Variants in PRR16 observed in about 807,000 individuals in gnomAD.
PRR16 encodes the protein protein Largen.
PRR16 carries 6 observed loss-of-function variants against 18.2 expected under a neutral mutation model. The ratio of observed to expected loss-of-function variants is 0.33; its 90% CI spans 0.18 to 0.65. The LOEUF (loss-of-function observed/expected upper bound fraction) is 0.65, where lower values mean the gene tolerates loss of function less well. Ranked by LOEUF, PRR16 falls within the 30% of genes least tolerant of loss-of-function variation. The pLI is 0.74. For synonymous variants in PRR16, 151 were observed against 147.8 expected (o/e 1.02, Z -0.16); for missense variants, 412 against 376.6 (o/e 1.09, Z -0.78).
intron 1 of PRR16, among the ~76,000 whole-genome samples, chr5:120,549,456 T>G (rs1002789384): frequency 1.4e-4 from 22 of 151,980 alleles, no homozygotes; most frequent in African/African-American, 5.3e-4. Flanking sequence ...GTCCTTCCAT[T>G]ATTAAGAATT....
At chr5:120,721,057 A>G in the PRR16 span, among the ~76,000 whole-genome samples, 2 of 152,102 alleles carry the variant, frequency 1.3e-5, no homozygotes, top group Non-Finnish European at 2.9e-5. Context: ...ACTTTTAAAC[A>G]TCATAATTTC....
chr5:120,693,002 T>C, the PRR16 span, among the ~76,000 whole-genome samples: 1 of 152,138 alleles, frequency 6.6e-6, no homozygotes, highest in Non-Finnish European at 1.5e-5. Flanking sequence ...AAATGAATTG[T>C]CCCCCAAATA....
intron 1 of PRR16, among the ~76,000 whole-genome samples, chr5:120,483,179 C>A (rs1749678519): frequency 6.6e-6 from 1 of 152,134 alleles, no homozygotes; most frequent in African/African-American, 2.4e-5. Flanking sequence ...CCTATTTCAA[C>A]ACATGGTTTC....
chr5:120,793,354 G>GA, the PRR16 span, among the ~76,000 whole-genome samples: 23 of 150,452 alleles, frequency 1.5e-4, no homozygotes, highest in Middle Eastern at 3.4e-3. Flanking sequence ...AAAATAAAAA[G>GA]AAAAAAAAAG....
chr5:120,573,374 C>A (rs1049340119), intron 1 of PRR16, among the ~76,000 whole-genome samples: 1 of 152,138 alleles, frequency 6.6e-6, no homozygotes, highest in African/African-American at 2.4e-5. Flanking sequence ...ATGAGGAAAA[C>A]AAATGAACTT....
chr5:120,709,944 AG>A, the PRR16 span, among the ~76,000 whole-genome samples: 1 of 152,298 alleles, frequency 6.6e-6, no homozygotes, highest in East Asian at 1.9e-4. Context: ...ACAGGAGCAT[AG>A]ATATGTCTTC....
At chr5:120,656,508 A>T (rs62377792) in intron 1 of PRR16, among the ~76,000 whole-genome samples, 46,640 of 150,296 alleles carry the variant, frequency 0.31, 7,710 homozygotes, top group Middle Eastern at 0.42. Context: ...TACTTACCAG[A>T]CACTCTGGAA....
At chr5:120,729,643 CTAAA>C in the PRR16 span, among the ~76,000 whole-genome samples, 7 of 152,024 alleles carry the variant, frequency 4.6e-5, no homozygotes, top group Non-Finnish European at 7.4e-5. Context: ...GGATGTTTGA[CTAAA>C]TAAATGAATG....
intron 1 of PRR16, among the ~76,000 whole-genome samples, chr5:120,507,660 G>A (rs1750689118): frequency 1.3e-5 from 2 of 151,910 alleles, no homozygotes; most frequent in South Asian, 4.1e-4. Flanking sequence ...ATTTTGCTTT[G>A]TTTTATATTT....
At chr5:120,591,746 T>A (rs923039034) in intron 1 of PRR16, among the ~76,000 whole-genome samples, 1 of 152,106 alleles carries the variant, frequency 6.6e-6, no homozygotes, top group African/African-American at 2.4e-5. Flanking sequence ...TGATTTCAAT[T>A]TTCAGAATTA....
At chr5:120,569,468 T>C (rs1752837548) in intron 1 of PRR16, among the ~76,000 whole-genome samples, 1 of 152,162 alleles carries the variant, frequency 6.6e-6, no homozygotes, top group Admixed American at 6.6e-5. Context: ...CTACCACATG[T>C]AATACGCACA....
chr5:120,732,920 G>T, the PRR16 span, among the ~76,000 whole-genome samples: 4 of 152,178 alleles, frequency 2.6e-5, no homozygotes, highest in Non-Finnish European at 5.9e-5. Context: ...CAGAGTAAGA[G>T]ATGACATGTC....
chr5:120,729,463 C>T, the PRR16 span, among the ~76,000 whole-genome samples: 8 of 152,116 alleles, frequency 5.3e-5, no homozygotes, highest in African/African-American at 1.7e-4. Flanking sequence ...AAGATGCTCA[C>T]TAATATATTT....
chr5:120,564,021 C>T (rs1752656977), intron 1 of PRR16, among the ~76,000 whole-genome samples: 1 of 151,984 alleles, frequency 6.6e-6, no homozygotes, highest in African/African-American at 2.4e-5. Context: ...CCCTTTTGGC[C>T]CAGGGTGTGT....
chr5:120,790,148 C>T, the PRR16 span: 1 of 152,130 alleles, frequency 6.6e-6, no homozygotes, highest in African/African-American at 2.4e-5. Flanking sequence ...TCATCTTCCT[C>T]TATCTGACAG....
intron 1 of PRR16, among the ~76,000 whole-genome samples, chr5:120,482,515 T>C (rs548753643): frequency 1.3e-5 from 2 of 152,336 alleles, no homozygotes; most frequent in Admixed American, 1.3e-4. Flanking sequence ...CATATTTTCT[T>C]TATCCATTCC....
chr5:120,762,711 T>C, the PRR16 span, among the ~76,000 whole-genome samples: 2 of 151,746 alleles, frequency 1.3e-5, no homozygotes, highest in Non-Finnish European at 2.9e-5. Context: ...ACTTTGCAAG[T>C]ATTTTCTCCC....
At chr5:120,671,236 C>G (rs1314793666) in intron 1 of PRR16, among the ~76,000 whole-genome samples, 1 of 152,042 alleles carries the variant, frequency 6.6e-6, no homozygotes, top group Non-Finnish European at 1.5e-5. Context: ...TAATGTGTTG[C>G]CTACTTTTTT....
chr5:120,589,820 G>T (rs112705434), intron 1 of PRR16, among the ~76,000 whole-genome samples: 1 of 152,064 alleles, frequency 6.6e-6, no homozygotes, highest in South Asian at 2.1e-4. Flanking sequence ...AATTCAAGAT[G>T]AGATTTGGGT....
Sources: gnomAD v4.1 joint callset for allele counts (sites outside exome capture counted in the v4.1 genomes callset) on GRCh38, gnomAD v4.1.1 for gene constraint, MANE v1.5 for transcripts, NCBI Gene and HGNC (gene_info 2026-07-23, HGNC 2026-07-21) for gene names.